Variants in NETO2 observed in about 807,000 individuals in gnomAD.
NETO2 encodes the protein neuropilin and tolloid like 2.
A neutral mutation model predicts 62.5 loss-of-function variants in NETO2; 28 were observed. The ratio of observed to expected loss-of-function variants is 0.45; its 90% confidence interval spans 0.33 to 0.61. NETO2 has a LOEUF of 0.61. Among genes scored for constraint, NETO2 ranks in the 20% least tolerant of loss-of-function variants. NETO2 has a pLI of 0.02. For synonymous variants in NETO2, 214 were observed against 219.1 expected, an observed-to-expected ratio of 0.98 and a Z score of 0.21; for missense variants, 548 against 643.2, an observed-to-expected ratio of 0.85 and a Z score of 1.60.
At chr16:47,126,739 G>A (rs1964165697) in intron 4 of NETO2, among the ~76,000 whole-genome samples, 1 of 152,182 alleles carries the variant, frequency 6.6e-6, no homozygotes, top group Non-Finnish European at 1.5e-5. Flanking sequence ...TCTACTTCCT[G>A]TGTAATTTTG....
intron 7 of NETO2, among the ~76,000 whole-genome samples, chr16:47,107,684 C>T (rs184640055): frequency 3.3e-5 from 5 of 152,272 alleles, no homozygotes; most frequent in Admixed American, 6.5e-5. Context: ...ACTATTAATT[C>T]GGTATGTTGA....
At chr16:47,111,774 G>C (rs554394501) in intron 6 of NETO2, among the ~76,000 whole-genome samples, 2 of 152,294 alleles carry the variant, frequency 1.3e-5, no homozygotes, top group South Asian at 4.1e-4. Flanking sequence ...GTGAGACGTA[G>C]AACTGGTGGG....
intron 1 of NETO2, among the ~76,000 whole-genome samples, chr16:47,136,389 A>G (rs2151494333): frequency 1.3e-5 from 2 of 152,248 alleles, no homozygotes; most frequent in Middle Eastern, 6.8e-3. Flanking sequence ...AGAAATAGAT[A>G]TATATATCCA....
intron 1 of NETO2, among the ~76,000 whole-genome samples, chr16:47,139,700 T>C (rs535886927): frequency 1.3e-5 from 2 of 152,362 alleles, no homozygotes; most frequent in South Asian, 4.1e-4. Flanking sequence ...CAAAGATGGA[T>C]GGTGAACTTT....
intron 4 of NETO2, among the ~76,000 whole-genome samples, chr16:47,124,763 T>G (rs1964120178): frequency 6.6e-6 from 1 of 152,310 alleles, no homozygotes; most frequent in South Asian, 2.1e-4. Flanking sequence ...AATCACTTAA[T>G]CTGACTCAGT....
In NETO2 at chr16:47,128,585, G is replaced by A. The variant is rs764315619; in HGVS notation, c.233-12C>T. 11 of 1,607,346 alleles carry A rather than the reference G, an allele frequency of 6.8e-6. No individual in the cohort carries two copies. The highest frequency in any genetic ancestry group is 8.5e-6 in the Non-Finnish European group (10 of 1,178,912). ...TTGACGTGGAGCAGCTAGAAAATAA[G>A]AGTAAGCAAATCAGGACAACACAAA... On this transcript the variant is annotated splice_polypyrimidine_tract_variant and intron_variant, in intron 3 of 8. Coordinates refer to ENST00000562435, the MANE Select transcript of NETO2 (RefSeq NM_018092.5).
rs201302112 is a variant in NETO2 at position 47,095,253 on chromosome 16, C to CA, written c.884-8915dup. Among the ~76,000 whole-genome samples the CA allele has an allele frequency of 4.3e-3, 648 of 149,406 alleles. 1 individual carries two copies. Among genetic ancestry groups the CA allele is most frequent in the African/African-American group, 0.014 (566 of 40,634 alleles). ...CGAAGGGAATCAAAACTTGTCACTACAAAAAAAAATCAATTAAAGAAAAGA... is the reference window on the plus strand; with the variant it reads ...CGAAGGGAATCAAAACTTGTCACTACAAAAAAAAAATCAATTAAAGAAAAGA... On this transcript the variant is annotated intron_variant, in intron 7 of 8. Coordinates refer to ENST00000562435, the MANE Select transcript of NETO2 (RefSeq NM_018092.5).
chr16:47,111,825 G>A (rs1207714312), intron 6 of NETO2, among the ~76,000 whole-genome samples: 1 of 152,054 alleles, frequency 6.6e-6, no homozygotes, highest in Non-Finnish European at 1.5e-5. Flanking sequence ...TCTCTGCGTT[G>A]CTCTCTCTAT....
chr16:47,123,208 T>G (rs988258159), intron 4 of NETO2, among the ~76,000 whole-genome samples: 1 of 152,226 alleles, frequency 6.6e-6, no homozygotes, highest in African/African-American at 2.4e-5. Context: ...AGAATATTAT[T>G]TGGCCTTAAA....
chr16:47,115,926 A>G (rs916242709), intron 6 of NETO2, among the ~76,000 whole-genome samples: 3 of 150,856 alleles, frequency 2.0e-5, no homozygotes, highest in African/African-American at 7.3e-5. Context: ...AACCTGATAT[A>G]TTTGTTCCAG....
intron 6 of NETO2, among the ~76,000 whole-genome samples, chr16:47,112,993 A>G (rs1963832537): frequency 6.6e-6 from 1 of 152,166 alleles, no homozygotes; most frequent in Non-Finnish European, 1.5e-5. Flanking sequence ...CTATGTATCC[A>G]TTCTCCTATT....
intron 1 of NETO2, among the ~76,000 whole-genome samples, chr16:47,141,710 G>A (rs1259911485): frequency 1.3e-5 from 2 of 152,178 alleles, no homozygotes; most frequent in African/African-American, 4.8e-5. Flanking sequence ...AATTCAGCTT[G>A]AGCTTTAAAA....
At chr16:47,140,515 T>G (rs530928790) in intron 1 of NETO2, among the ~76,000 whole-genome samples, 14 of 152,222 alleles carry the variant, frequency 9.2e-5, no homozygotes, top group African/African-American at 1.7e-4. Context: ...TGTTTTGTCA[T>G]GCAGGGTTTT....
intron 1 of NETO2, 39 bp downstream of exon 1, chr16:47,143,540 G>C: frequency 4.1e-6 from 5 of 1,220,266 alleles, no homozygotes; most frequent in Non-Finnish European, 5.1e-6. Flanking sequence ...GCCTCGGCCC[G>C]CAGGGGGCGC....
chr16:47,136,652 C>T (rs1489267987), intron 1 of NETO2, among the ~76,000 whole-genome samples: 5 of 152,028 alleles, frequency 3.3e-5, no homozygotes, highest in Non-Finnish European at 7.4e-5. Context: ...ATGATCTGCC[C>T]GCCTCAGCCT....
rs780328925 is a variant in NETO2, at chr16:47,083,748, T to C, written c.1051A>G (p.Ile351Val). ...EQITKTHGTI[I>V]GITSGIVLVL... is the part of the protein sequence containing the mutation. ...AAGACAATCCCTGAAGTAATGCCAA[T>C]AATTGTTCCATGAGTCTTAGTGATT... Residue 351 changes from isoleucine (I) to valine (V), a missense_variant, in exon 9 of 9, where the codon ATT (isoleucine) becomes GTT (valine). Physicochemically the swap from Ile to Val is conservative, Grantham distance 29. Transcript: ENST00000562435. 2 of 1,612,850 alleles carry C rather than the reference T, an allele frequency of 1.2e-6. No individual in the cohort carries two copies. The highest frequency in any genetic ancestry group is 1.1e-5 in the South Asian group (1 of 91,054).
At chr16:47,116,631 AAAGT>A (rs1376241897) in intron 6 of NETO2, among the ~76,000 whole-genome samples, 2 of 152,168 alleles carry the variant, frequency 1.3e-5, no homozygotes, top group Non-Finnish European at 2.9e-5. Context: ...CTTATCTTAC[AAAGT>A]AAGTTTAGAA....
At chr16:47,125,856 C>T (rs1964147160) in intron 4 of NETO2, among the ~76,000 whole-genome samples, 1 of 152,164 alleles carries the variant, frequency 6.6e-6, no homozygotes, top group African/African-American at 2.4e-5. Flanking sequence ...CGCCTGGCTC[C>T]ACCATTTTTA....
intron 7 of NETO2, among the ~76,000 whole-genome samples, chr16:47,086,789 C>A (rs1289611014): frequency 1.3e-5 from 2 of 152,190 alleles, no homozygotes; most frequent in African/African-American, 4.8e-5. Context: ...TTACTTTTAG[C>A]TACCTACTCC....
Sources: allele counts gnomAD v4.1 joint callset (sites outside exome capture counted in the v4.1 genomes callset), GRCh38; gene constraint gnomAD v4.1.1; transcripts MANE v1.5; gene names NCBI Gene and HGNC (gene_info 2026-07-23, HGNC 2026-07-21).